Variants in DYSF observed in about 807,000 individuals in gnomAD.
DYSF encodes dystrophy-associated fer-1-like 1.
In DYSF, 212 loss-of-function variants were observed where a neutral mutation model predicts 274.9. That is an observed-to-expected ratio of 0.77 (90% CI 0.69 to 0.86). The LOEUF (loss-of-function observed/expected upper bound fraction) is 0.86. Among genes scored for constraint, DYSF ranks in the 40% least tolerant of loss-of-function variants. The pLI is 0.00. For missense variants in DYSF, 2,666 were observed against 2,783.2 expected, an observed-to-expected ratio of 0.96 and a Z score of 0.95; for synonymous variants, 1,091 against 1,078.7, an observed-to-expected ratio of 1.01 and a Z score of -0.22.
In DYSF at chr2:71,551,729, T is replaced by A; in HGVS notation, c.1806+9T>A. ...ACATCCTCCGGGTGGAGGTGAGGGG[T>A]GTGGCTCTGGGTGGGAGCTGGGCGT... On this transcript the variant is annotated intron_variant, in intron 19 of 55. Coordinates refer to ENST00000410020, the MANE Select transcript of DYSF (RefSeq NM_001130987.2). 1.9e-6 allele frequency: 3 copies of A among 1,596,534 alleles called. No homozygotes were observed. The highest frequency in any genetic ancestry group is 2.6e-6 in the Non-Finnish European group (3 of 1,173,344).
intron 22 of DYSF, 111 bp from the exon 23 acceptor site, chr2:71,561,641 C>A: frequency 7.6e-7 from 1 of 1,307,358 alleles, no homozygotes; most frequent in Non-Finnish European, 1.1e-6. Flanking sequence ...AGGCACCCAG[C>A]AGGCAGGCGG....
At chr2:71,466,041 C>T (rs1449421838), upstream of DYSF, among the ~76,000 whole-genome samples, 1 of 152,124 alleles carries the variant, frequency 6.6e-6, no homozygotes, top group Non-Finnish European at 1.5e-5. Flanking sequence ...GACTCGACAC[C>T]GCTGCGGAGA....
At chr2:71,649,654 C>G (rs578195259) in intron 42 of DYSF, among the ~76,000 whole-genome samples, 68 of 152,064 alleles carry the variant, frequency 4.5e-4, no homozygotes, top group African/African-American at 1.6e-3. Flanking sequence ...CCATCCGCCC[C>G]ACACACAGAA....
chr2:71,513,631 T>C (rs959783382), intron 6 of DYSF, 85 bp from the exon 7 acceptor site: 1 of 1,419,960 alleles, frequency 7.0e-7, no homozygotes, highest in African/African-American at 1.4e-5. Context: ...CTTTTGGATC[T>C]TCTGCCCCCT....
chr2:71,668,909 G>A (rs916322945), intron 49 of DYSF, 67 bp downstream of exon 49: 46 of 1,514,930 alleles, frequency 3.0e-5, no homozygotes, highest in African/African-American at 6.9e-5. Flanking sequence ...TGCTGTGGGC[G>A]GGACTAGGCG....
chr2:71,611,827 A>T (rs1460749032), intron 38 of DYSF, among the ~76,000 whole-genome samples: 1 of 152,200 alleles, frequency 6.6e-6, no homozygotes, highest in East Asian at 1.9e-4. Context: ...AACGGGGCCA[A>T]CCTGCTCCTC....
intron 34 of DYSF, chr2:71,601,265 T>C (rs1475311857): frequency 1.6e-6 from 1 of 633,786 alleles, no homozygotes; most frequent in Non-Finnish European, 2.8e-6. Flanking sequence ...CCTTCAAACT[T>C]CCTCTTAGTA....
chr2:71,579,912 G>T (rs2092829606), intron 30 of DYSF, among the ~76,000 whole-genome samples: 1 of 152,210 alleles, frequency 6.6e-6, no homozygotes, highest in Non-Finnish European at 1.5e-5. Flanking sequence ...ATGACTCCGA[G>T]CCCTAATGTC....
intron 41 of DYSF, among the ~76,000 whole-genome samples, chr2:71,625,012 A>C (rs2094182152): frequency 6.6e-6 from 1 of 152,046 alleles, no homozygotes; most frequent in Non-Finnish European, 1.5e-5. Flanking sequence ...CTTCATTCTT[A>C]ATTTTATGTA....
chr2:71,646,821 T>C (rs984741020), intron 42 of DYSF, among the ~76,000 whole-genome samples: 3 of 152,220 alleles, frequency 2.0e-5, no homozygotes, highest in Admixed American at 6.5e-5. Flanking sequence ...TTCATTGTAC[T>C]GTCTTTAAAA....
chr2:71,614,106 C>T (rs778760108), intron 40 of DYSF, among the ~76,000 whole-genome samples: 2 of 152,136 alleles, frequency 1.3e-5, no homozygotes, highest in Admixed American at 6.5e-5. Context: ...AGCGCTCCCC[C>T]GACTGTGGGC....
chr2:71,682,662 C>T lies in DYSF; in HGVS notation c.6306C>T (p.Phe2102=). ...LFILLLFLAI[F]IYAFPNYAAM... is the part of the protein sequence containing the mutation. The stretch of plus-strand genomic sequence containing the variant: ...TCCTGCTGCTGTTCCTGGCCATCTT[C>T]ATCTACGCCTTCCCGGTGAGCAGGC... The change falls in exon 55 of 56, where the codon TTC becomes TTT. Residue 2102 remains phenylalanine, a synonymous_variant. Coordinates refer to ENST00000410020, the MANE Select transcript of DYSF (RefSeq NM_001130987.2). The T allele has an allele frequency of 6.2e-7, 1 of 1,614,142 alleles. No individual in the cohort carries two copies. Among genetic ancestry groups the T allele is most frequent in the South Asian group, 1.1e-5 (1 of 91,064 alleles).
At chr2:71,625,388 A>G (rs2094191061) in intron 41 of DYSF, among the ~76,000 whole-genome samples, 1 of 152,258 alleles carries the variant, frequency 6.6e-6, no homozygotes, top group African/African-American at 2.4e-5. Flanking sequence ...TTTTTTTCTC[A>G]TGTAACTAAC....
chr2:71,656,138 T>C (rs770664604), intron 42 of DYSF, 24 bp from the exon 43 acceptor site: 3 of 1,614,046 alleles, frequency 1.9e-6, no homozygotes, highest in Non-Finnish European at 2.5e-6. Flanking sequence ...TCTTGTCCCC[T>C]CCTCTAATCC....
At chr2:71,629,969 G>A (rs1439848727) in intron 41 of DYSF, among the ~76,000 whole-genome samples, 2 of 152,136 alleles carry the variant, frequency 1.3e-5, no homozygotes, top group Non-Finnish European at 2.9e-5. Context: ...ATACACATGA[G>A]CCATTTGTTT....
intron 55 of DYSF, among the ~76,000 whole-genome samples, chr2:71,684,409 G>C (rs2095331799): frequency 6.6e-6 from 1 of 152,212 alleles, no homozygotes; most frequent in Non-Finnish European, 1.5e-5. Flanking sequence ...AGCCCAGCTG[G>C]CCAGTGTTCA....
At chr2:71,572,590 G>C (rs887811414) in intron 29 of DYSF, among the ~76,000 whole-genome samples, 5 of 152,226 alleles carry the variant, frequency 3.3e-5, no homozygotes, top group African/African-American at 9.6e-5. Context: ...AGGCAGGTCA[G>C]CTGTGGCCTG....
chr2:71,453,767 C>A lies in DYSF; in HGVS notation c.-232C>A, dbSNP rs1573204835. On this transcript the variant is annotated 5_prime_UTR_variant, in exon 1 of 55. Coordinates refer to the DYSF transcript ENST00000258104. ...CCCCTGTTCTCGGAACGCCGGCTGA[C>A]AAGCGGGGTGAGCGCAGCCGGGGCG... is the stretch of plus-strand genomic sequence containing the variant. 5 of 584,834 alleles carry A rather than the reference C, an allele frequency of 8.5e-6. No homozygotes were observed. In the East Asian group the frequency reaches 1.4e-4, roughly 17 times the overall value. The allele number at this position is 584,834 out of a possible 1,614,324, so 36.2% of individuals were successfully genotyped here.
intron 1 of DYSF, among the ~76,000 whole-genome samples, chr2:71,468,314 T>C (rs1337860640): frequency 6.6e-6 from 1 of 152,218 alleles, no homozygotes; most frequent in African/African-American, 2.4e-5. Context: ...TGCTCACAGC[T>C]CTTTCCCTTG....
Sources: allele counts gnomAD v4.1 joint callset (sites outside exome capture counted in the v4.1 genomes callset), GRCh38; gene constraint gnomAD v4.1.1; transcripts MANE v1.5; gene names NCBI Gene and HGNC (gene_info 2026-07-23, HGNC 2026-07-21).